Variants in RFX3 observed in about 807,000 individuals in gnomAD.
The protein encoded by RFX3 is regulatory factor X3, also known as transcription factor RFX3.
Under a neutral mutation model 98.6 loss-of-function variants are expected in RFX3, and 14 were observed. The observed-to-expected ratio is 0.14, with a 90% CI of 0.09 to 0.22. The LOEUF is 0.22. RFX3 is among the 10% of genes least tolerant of loss of function. The pLI is 1.00. For synonymous variants in RFX3, 383 were observed against 328.4 expected, an observed-to-expected ratio of 1.17 and a Z score of -1.80; for missense variants, 639 against 926.9, an observed-to-expected ratio of 0.69 and a Z score of 4.03.
At chr9:3,264,286 C>A (rs576909321) in intron 12 of RFX3, among the ~76,000 whole-genome samples, 1 of 152,064 alleles carries the variant, frequency 6.6e-6, no homozygotes, top group Non-Finnish European at 1.5e-5. Flanking sequence ...TGATTTTAAT[C>A]TTTTAAAAAT....
intron 1 of RFX3, among the ~76,000 whole-genome samples, chr9:3,401,831 A>G (rs773228555): frequency 8.5e-5 from 13 of 152,196 alleles, no homozygotes; most frequent in Admixed American, 2.0e-4. Context: ...GCGAATCTAC[A>G]GCTAAATAGG....
chr9:3,317,324 A>G (rs1830733609), intron 4 of RFX3, among the ~76,000 whole-genome samples: 1 of 152,242 alleles, frequency 6.6e-6, no homozygotes, highest in Admixed American at 6.5e-5. Context: ...ACATGTAGAA[A>G]GCTGAAACTG....
At chr9:3,377,916 C>T (rs147494048) in intron 2 of RFX3, among the ~76,000 whole-genome samples, 12 of 152,070 alleles carry the variant, frequency 7.9e-5, no homozygotes, top group African/African-American at 2.9e-4. Flanking sequence ...ATTATGTTTG[C>T]TTCTTAGTTA....
At chr9:3,373,129 G>A (rs1477552348) in intron 2 of RFX3, among the ~76,000 whole-genome samples, 2 of 152,062 alleles carry the variant, frequency 1.3e-5, no homozygotes, top group South Asian at 4.2e-4. Flanking sequence ...CAGTAGGTAT[G>A]GGGGAAGACT....
At chr9:3,350,343 T>C (rs924030098) in intron 2 of RFX3, among the ~76,000 whole-genome samples, 2 of 152,172 alleles carry the variant, frequency 1.3e-5, no homozygotes, top group African/African-American at 4.8e-5. Context: ...TATGCAAATA[T>C]TCTCCCATCA....
In RFX3 at chr9:3,381,290, T is replaced by C. The variant is rs1377758015; in HGVS notation, c.117+14182A>G. 3.3e-5 allele frequency among the ~76,000 whole-genome samples: 5 copies of C among 152,170 alleles called. No individual in the cohort carries two copies. The East Asian group carries it at 9.7e-4, about 29-fold the overall frequency. ...AGAATAATTATGTTATTAATGGTCG[T>C]AAACAGGACTGTAATCGATGATCTT... On this transcript the variant is annotated intron_variant, in intron 2 of 16. Transcript: ENST00000617270.
chr9:3,290,556 A>G (rs1185453588), intron 6 of RFX3, among the ~76,000 whole-genome samples: 1 of 152,168 alleles, frequency 6.6e-6, no homozygotes, highest in Non-Finnish European at 1.5e-5. Flanking sequence ...GTCCCCAAAT[A>G]ATGATTTTTG....
rs370001202 is a variant in RFX3 at position 3,285,968 on chromosome 9, G to A, written c.851+2163C>T. On this transcript the variant is annotated intron_variant, in intron 7 of 16. Transcript: ENST00000617270. ...AACTCAGGTTTTTTTTATAAAGAAT[G>A]TCCCTTGAAGGCTTCTATTTCTATG... 5.3e-5 allele frequency among the ~76,000 whole-genome samples: 8 copies of A among 151,804 alleles called. No homozygotes were observed. In the East Asian group the frequency reaches 1.2e-3, roughly 22 times the overall value.
At chr9:3,396,636 A>T (rs1840915706) in intron 1 of RFX3, among the ~76,000 whole-genome samples, 1 of 152,224 alleles carries the variant, frequency 6.6e-6, no homozygotes, top group African/African-American at 2.4e-5. Flanking sequence ...ACAATGGTTG[A>T]ACTAGTTTAT....
chr9:3,335,771 T>C (rs1428955371), intron 3 of RFX3, among the ~76,000 whole-genome samples: 1 of 152,224 alleles, frequency 6.6e-6, no homozygotes, highest in Admixed American at 6.5e-5. Context: ...CAGAAGCTTC[T>C]TCATAGCTGA....
intron 5 of RFX3, among the ~76,000 whole-genome samples, chr9:3,295,510 C>T (rs1049752077): frequency 1.3e-5 from 2 of 151,178 alleles, no homozygotes; most frequent in Non-Finnish European, 3.0e-5. Context: ...AAAGAAGACA[C>T]GAAAGAAAAA....
At chr9:3,429,025 C>CT (rs5896011) in intron 1 of RFX3, among the ~76,000 whole-genome samples, 25,569 of 138,974 alleles carry the variant, frequency 0.18, 3,117 homozygotes, top group African/African-American at 0.33. Flanking sequence ...TTTAGTTACT[C>CT]TTTTTTTTTT....
At chr9:3,243,521 A>G (rs1315339449) in intron 15 of RFX3, among the ~76,000 whole-genome samples, 2 of 152,176 alleles carry the variant, frequency 1.3e-5, no homozygotes, top group Non-Finnish European at 2.9e-5. Context: ...TGACAGCATT[A>G]AAGTCAATTT....
chr9:3,476,127 G>A (rs1849229478), intron 1 of RFX3, among the ~76,000 whole-genome samples: 1 of 150,706 alleles, frequency 6.6e-6, no homozygotes. Flanking sequence ...TTATAATATT[G>A]GCATAAAGAG....
At chr9:3,348,424 C>T (rs374485504) in intron 2 of RFX3, among the ~76,000 whole-genome samples, 28 of 151,702 alleles carry the variant, frequency 1.8e-4, no homozygotes, top group South Asian at 6.3e-4. Context: ...ATCCACGTTT[C>T]GCCTGAGGAT....
In RFX3 at chr9:3,290,553, A is replaced by G. The variant is rs116213602; in HGVS notation, c.732-2303T>C. Reference sequence around the variant, plus strand: ...GAGGAGATAGTAGGTTAGGTCCCCAAATAATGATTTTTGTGGTTTTGAAAA... The same window carrying G: ...GAGGAGATAGTAGGTTAGGTCCCCAGATAATGATTTTTGTGGTTTTGAAAA... On this transcript the variant is annotated intron_variant, in intron 6 of 16. Transcript: ENST00000617270. 7.6e-3 allele frequency among the ~76,000 whole-genome samples: 1,161 copies of G among 152,270 alleles called. 7 individuals are homozygous for G. The highest frequency in any genetic ancestry group is 0.026 in the African/African-American group (1,089 of 41,558).
chr9:3,481,872 AT>A (rs1163927532), intron 1 of RFX3, among the ~76,000 whole-genome samples: 2 of 152,126 alleles, frequency 1.3e-5, no homozygotes, highest in Non-Finnish European at 2.9e-5. Context: ...AATAAAAAAA[AT>A]AAATAAAAAG....
intron 2 of RFX3, among the ~76,000 whole-genome samples, chr9:3,384,122 A>C (rs188891559): frequency 6.6e-6 from 1 of 152,282 alleles, no homozygotes; most frequent in East Asian, 1.9e-4. Flanking sequence ...AAAGGCATGT[A>C]AAGAGCTGCT....
intron 1 of RFX3, among the ~76,000 whole-genome samples, chr9:3,485,688 G>A (rs1320667701): frequency 1.3e-5 from 2 of 152,188 alleles, no homozygotes; most frequent in East Asian, 3.9e-4. Context: ...GTTTATCTCT[G>A]AAAAACAATT....
Sources: allele counts gnomAD v4.1 joint callset (sites outside exome capture counted in the v4.1 genomes callset), GRCh38; gene constraint gnomAD v4.1.1; transcripts MANE v1.5; gene names NCBI Gene and HGNC (gene_info 2026-07-23, HGNC 2026-07-21).